The following VAV3 variants were observed in gnomAD, a reference collection of about 807,000 sequenced individuals.
The protein encoded by VAV3 is vav guanine nucleotide exchange factor 3.
Under a neutral mutation model 131.2 loss-of-function variants are expected in VAV3, and 94 were observed. The ratio of observed to expected loss-of-function variants is 0.72; its 90% CI spans 0.61 to 0.85. VAV3 has a LOEUF of 0.85. Among genes scored for constraint, VAV3 ranks in the 40% least tolerant of loss-of-function variants. The pLI is 0.00. For missense variants in VAV3, 939 were observed against 1,002.7 expected (o/e 0.94, Z 0.86); for synonymous variants, 349 against 342.0 (o/e 1.02, Z -0.22).
chr1:107,809,202 T>G (rs772632794), intron 2 of VAV3, among the ~76,000 whole-genome samples: 5 of 152,208 alleles, frequency 3.3e-5, no homozygotes, highest in Non-Finnish European at 5.9e-5. Context: ...TTTGGACTAC[T>G]TTTTTGGTTT....
intron 17 of VAV3, among the ~76,000 whole-genome samples, chr1:107,700,931 T>C (rs1660081610): frequency 6.6e-6 from 1 of 152,188 alleles, no homozygotes. Flanking sequence ...TATAAAAGCA[T>C]TCCTATTTCT....
intron 8 of VAV3, 60 bp from the exon 9 acceptor site, chr1:107,765,235 G>C: frequency 7.9e-7 from 1 of 1,266,046 alleles, no homozygotes; most frequent in Non-Finnish European, 1.1e-6. Context: ...ACTGGAGGGG[G>C]AAACAAGCAG....
intron 20 of VAV3, among the ~76,000 whole-genome samples, chr1:107,635,271 C>G (rs1338443855): frequency 6.6e-6 from 1 of 151,988 alleles, no homozygotes; most frequent in Non-Finnish European, 1.5e-5. Context: ...AGATATACAC[C>G]AAGGAATACT....
intron 1 of VAV3, among the ~76,000 whole-genome samples, chr1:107,964,115 G>A (rs1425661344): frequency 6.6e-6 from 1 of 152,224 alleles, no homozygotes; most frequent in African/African-American, 2.4e-5. Flanking sequence ...CAGGGGCCCT[G>A]GGGGCGGCCT....
intron 1 of VAV3, among the ~76,000 whole-genome samples, chr1:107,888,873 G>A (rs1423515535): frequency 4.0e-5 from 6 of 151,442 alleles, no homozygotes; most frequent in South Asian, 2.1e-4. Context: ...ATTCTTTCTC[G>A]GCACGCACAC....
chr1:107,584,605 A>G (rs1650345984), intron 25 of VAV3, among the ~76,000 whole-genome samples: 1 of 152,184 alleles, frequency 6.6e-6, no homozygotes, highest in Non-Finnish European at 1.5e-5. Flanking sequence ...CTGAAAAAAA[A>G]CTAGGAATAA....
intron 1 of VAV3, among the ~76,000 whole-genome samples, chr1:107,917,040 A>C (rs1156834709): frequency 6.6e-6 from 1 of 152,150 alleles, no homozygotes; most frequent in Non-Finnish European, 1.5e-5. Context: ...GATTGTCCAA[A>C]AATTTAAATA....
chr1:107,572,245 G>A lies in VAV3; in HGVS notation c.*1086C>T, dbSNP rs1649313779. 10 of 152,152 alleles carry A rather than the reference G, an allele frequency of 6.6e-5. No individual in the cohort carries two copies. In the South Asian group the frequency reaches 1.9e-3, roughly 28 times the overall value. The allele number at this position is 152,152 out of a possible 1,614,324, so 9.4% of individuals were successfully genotyped here. A position where few individuals can be genotyped will look rare whatever the true frequency, so the allele number is the denominator to read the frequency against. Reference sequence around the variant, plus strand: ...GGGGAGACTCTGAGAGAAGCTGGAGGCCCACAAAAGTCCACTGACCCTCTT... The same window carrying A: ...GGGGAGACTCTGAGAGAAGCTGGAGACCCACAAAAGTCCACTGACCCTCTT... On this transcript the variant is annotated 3_prime_UTR_variant, in exon 27 of 27. Coordinates refer to ENST00000370056, the MANE Select transcript of VAV3 (RefSeq NM_006113.5).
At chr1:107,646,405 T>C (rs1557730459) in intron 19 of VAV3, among the ~76,000 whole-genome samples, 1 of 152,042 alleles carries the variant, frequency 6.6e-6, no homozygotes, top group Admixed American at 6.6e-5. Context: ...CACCCAAATA[T>C]GAATATTTAT....
chr1:107,622,298 G>C (rs56329640), intron 20 of VAV3, among the ~76,000 whole-genome samples: 7 of 152,110 alleles, frequency 4.6e-5, no homozygotes, highest in Non-Finnish European at 1.0e-4. Flanking sequence ...CTTCAGGTTT[G>C]CTGGTAGAAA....
chr1:107,654,044 T>G (rs1656364911), intron 19 of VAV3, among the ~76,000 whole-genome samples: 1 of 152,148 alleles, frequency 6.6e-6, no homozygotes, highest in Non-Finnish European at 1.5e-5. Flanking sequence ...TATTTTCATT[T>G]ACATATGAAG....
At chr1:107,957,456 T>C (rs997718865) in intron 1 of VAV3, among the ~76,000 whole-genome samples, 1 of 152,132 alleles carries the variant, frequency 6.6e-6, no homozygotes, top group African/African-American at 2.4e-5. Context: ...ACTGTAATTA[T>C]AGAGGCAGGG....
intron 2 of VAV3, chr1:107,785,697 G>A: frequency 9.2e-7 from 1 of 1,087,398 alleles, no homozygotes; most frequent in Non-Finnish European, 1.1e-6. Flanking sequence ...GGGAGTGTGG[G>A]CATGAGTGCT....
At position 107,755,438 on chromosome 1, in the gene VAV3, T is replaced by A; in HGVS notation, c.1162A>T (p.Ile388Leu). Residue 388 changes from isoleucine to leucine, a missense_variant, in exon 12 of 27, where the codon ATA becomes TTA. Ile to Leu is a conservative substitution (Grantham distance 5). Coordinates refer to ENST00000370056, the MANE Select transcript of VAV3 (RefSeq NM_006113.5). ...AGATAATTACATACCAAATTCTCTA[T>A]AGATAGCTGAAACTGTTTAATTTCA... The part of the protein sequence containing the change: ...LREIKQFQLS[I>L]ENLNQPVLLF... The A allele has an allele frequency of 6.2e-7, 1 of 1,611,592 alleles. No homozygotes were observed. The highest frequency in any genetic ancestry group is 8.5e-7 in the Non-Finnish European group (1 of 1,177,774).
At chr1:107,722,840 C>CTCTCTTTT (rs371987024) in intron 15 of VAV3, among the ~76,000 whole-genome samples, 1 of 129,810 alleles carries the variant, frequency 7.7e-6, no homozygotes, top group African/African-American at 2.9e-5. Context: ...ATTATCCTCT[C>CTCTCTTTT]TTTTTTTTTT....
rs1381715141 is a variant in VAV3, at chr1:107,820,883, G to A, written c.322-41391C>T. The A allele has an allele frequency of 2.0e-5, 3 of 151,994 alleles. No individual in the cohort carries two copies. The East Asian group carries it at 5.8e-4, about 29-fold the overall frequency. 9.4% of individuals were successfully genotyped at this position (151,994 alleles called of 1,614,324 possible). ...CCACTTTTTTAATGTATAATAAGGGGCAAGTTTCTTTAATACCTATATAAC... is the reference window on the plus strand; with the variant it reads ...CCACTTTTTTAATGTATAATAAGGGACAAGTTTCTTTAATACCTATATAAC... On this transcript the variant is annotated intron_variant, in intron 2 of 26. Transcript: ENST00000370056.
At position 107,779,465 on chromosome 1, in the gene VAV3, G is replaced by A. The variant is rs1296119424; in HGVS notation, c.349C>T (p.Arg117Ter). 4.4e-6 allele frequency: 7 copies of A among 1,589,180 alleles called. No individual in the cohort carries two copies. Among genetic ancestry groups the A allele is most frequent in the South Asian group, 1.2e-5 (1 of 86,158 alleles). ...CCTGTGGCCAATGCTATAGGTGTTC[G>A]AGAAAGTCGTGATAATGTTTCTATA... ...KVIETLSRLSRTPIALATGIR... is the reference protein window; with the variant it reads ...KVIETLSRLS The change falls in exon 3 of 27, where the codon CGA becomes TGA. Residue 117 changes from arginine to a stop codon, truncating the protein, a stop_gained. Coordinates refer to ENST00000370056, the MANE Select transcript of VAV3 (RefSeq NM_006113.5). LOFTEE classifies it high-confidence loss of function.
In VAV3 at chr1:107,596,235, C is replaced by T. The variant is rs936570789; in HGVS notation, c.2327G>A (p.Arg776Lys). Residue 776 changes from arginine to lysine, a missense_variant, in exon 25 of 27, where the codon AGG (arginine) becomes AAG (lysine). Transcript: ENST00000370056. ...YKEPEHSAGQ[R>K]GNRAGNSLLS... The stretch of plus-strand genomic sequence containing the variant: ...ACAGCTGTTGCCTGCTCTATTACCC[C>T]TCTGTCCAGCTGAATGTTCTGGCTC... The T allele has an allele frequency of 6.2e-7, 1 of 1,613,418 alleles. No homozygotes were observed. The highest frequency in any genetic ancestry group is 8.5e-7 in the Non-Finnish European group (1 of 1,179,554).
chr1:107,736,953 T>A (rs1220229301), intron 15 of VAV3, among the ~76,000 whole-genome samples: 1 of 152,172 alleles, frequency 6.6e-6, no homozygotes, highest in Non-Finnish European at 1.5e-5. Flanking sequence ...GACTTCAAGC[T>A]ATCCTACAAG....
Sources: gnomAD v4.1 joint callset for allele counts (sites outside exome capture counted in the v4.1 genomes callset) on GRCh38, gnomAD v4.1.1 for gene constraint, MANE v1.5 for transcripts, NCBI Gene and HGNC (gene_info 2026-07-23, HGNC 2026-07-21) for gene names.